CXCL12: variants seen among roughly 807,000 people sequenced by gnomAD.
CXCL12 encodes the protein C-X-C motif chemokine ligand 12.
CXCL12 carries 4 observed loss-of-function variants against 10.7 expected under a neutral mutation model. The observed-to-expected ratio is 0.37, with a 90% confidence interval of 0.18 to 0.86. The LOEUF is 0.86. Ranked by LOEUF, CXCL12 falls within the 40% of genes least tolerant of loss-of-function variation. The pLI, the probability that CXCL12 is intolerant of heterozygous loss-of-function variation, is 0.43. For synonymous variants in CXCL12, 54 were observed against 45.4 expected (o/e 1.19, Z -0.77); for missense variants, 122 against 110.4 (o/e 1.10, Z -0.47).
At chr10:44,380,583 T>C (rs1217865890) in intron 2 of CXCL12, 180 bp downstream of exon 2, 1 of 644,668 alleles carries the variant, frequency 1.6e-6, no homozygotes, top group East Asian at 2.6e-5. Context: ...CTTTTAAAAT[T>C]AATGCCTGGT....
chr10:44,370,434 TAAC>T (rs755035212), exon 4 of CXCL12: 6 of 152,494 alleles, frequency 3.9e-5, no homozygotes, highest in Non-Finnish European at 7.4e-5. Flanking sequence ...GGTTGCAAAA[TAAC>T]AAATTTTCTA....
chr10:44,374,528 C>T (rs868748166), downstream of CXCL12: 9 of 455,944 alleles, frequency 2.0e-5, no homozygotes, highest in Admixed American at 9.4e-5. Flanking sequence ...GCAAGAGGAA[C>T]GTGGGCCAGG....
chr10:44,373,576 C>T (rs1839373265), downstream of CXCL12, among the ~76,000 whole-genome samples: 1 of 152,226 alleles, frequency 6.6e-6, no homozygotes, highest in Non-Finnish European at 1.5e-5. Context: ...AGAGGACAGA[C>T]ACGTGGCAAG....
chr10:44,376,555 G>A (rs1014736645), downstream of CXCL12, among the ~76,000 whole-genome samples: 1 of 152,194 alleles, frequency 6.6e-6, no homozygotes, highest in Admixed American at 6.5e-5. Flanking sequence ...CTTTCTAGAC[G>A]CCTGTGAACA....
chr10:44,375,880 G>A (rs1292896655), downstream of CXCL12: 18 of 1,605,270 alleles, frequency 1.1e-5, no homozygotes, highest in East Asian at 3.8e-4. Context: ...GGAGGATCGA[G>A]CAAATTTACA....
downstream of CXCL12, chr10:44,372,401 A>G (rs1048750392): frequency 3.4e-5 from 6 of 175,836 alleles, no homozygotes; most frequent in Non-Finnish European, 7.3e-5. Context: ...CTGCACTCAA[A>G]GGGCCCAAGG....
chr10:44,384,854 C>T, intron 1 of CXCL12, 91 bp downstream of exon 1: 2 of 1,338,160 alleles, frequency 1.5e-6, no homozygotes, highest in South Asian at 2.7e-5. Context: ...GCGGCGCAAA[C>T]TGCGGGCGCA....
Position 44,377,787 on chromosome 10 carries a change from G to T in CXCL12, c.*846C>A, listed in dbSNP as rs769826912. The stretch of plus-strand genomic sequence containing the variant: ...GGAGAGGGCCAGCTCCATTCTGGAG[G>T]AGGCCAAAGACGGATCTCACAGAGG... On this transcript the variant is annotated 3_prime_UTR_variant, in exon 3 of 3. Coordinates refer to ENST00000343575, the MANE Select transcript of CXCL12 (RefSeq NM_199168.4). 1 of 1,598,266 alleles carries T rather than the reference G, an allele frequency of 6.3e-7. No homozygotes were observed. Among genetic ancestry groups the T allele is most frequent in the African/African-American group, 1.3e-5 (1 of 75,042 alleles).
At position 44,377,351 on chromosome 10, in the gene CXCL12, C is replaced by G. The variant is rs371362518; in HGVS notation, c.*1282G>C. The G allele has an allele frequency of 9.5e-7, 1 of 1,050,642 alleles. No individual in the cohort carries two copies. Among genetic ancestry groups the G allele is most frequent in the South Asian group, 3.1e-5 (1 of 32,646 alleles). The allele number at this position is 1,050,642 out of a possible 1,614,324, so 65.1% of individuals were successfully genotyped here. A position where few individuals can be genotyped will look rare whatever the true frequency, so the allele number is the denominator to read the frequency against. On this transcript the variant is annotated 3_prime_UTR_variant, in exon 3 of 3. Coordinates refer to ENST00000343575, the MANE Select transcript of CXCL12 (RefSeq NM_199168.4). ...CTCCACTTCAAATATATGAATTGTT[C>G]GACTATAAATATATTTTGAAATACA...
At position 44,378,700 on chromosome 10, in the gene CXCL12, CTGT is replaced by C. The variant is rs749854658; in HGVS notation, c.200_202del (p.Asn67del). On this transcript the variant is annotated inframe_deletion, in exon 3 of 3. Transcript: ENST00000343575. ...TAGCTTCGGGTCAATGCACACTTGT[CTGT>C]TGTTGTTCTTCAGCCGGGCTCTGTG... 2.6e-5 allele frequency: 42 copies of C among 1,614,098 alleles called. No homozygotes were observed. The highest frequency in any genetic ancestry group is 4.5e-5 in the East Asian group (2 of 44,898).
chr10:44,373,383 T>TC, downstream of CXCL12: 3 of 1,565,246 alleles, frequency 1.9e-6, no homozygotes, highest in Admixed American at 1.7e-5. Context: ...TAAGGCAGGT[T>TC]CCCCCCACAC....
chr10:44,380,945 G>A, intron 1 of CXCL12, 65 bp from the exon 2 acceptor site: 1 of 1,294,290 alleles, frequency 7.7e-7, no homozygotes, highest in South Asian at 1.2e-5. Context: ...GTGTGTCTGG[G>A]CTGCAGCAGT....
chr10:44,374,177 T>A (rs1144471), downstream of CXCL12: 40,084 of 335,838 alleles, frequency 0.12, 2,601 homozygotes, highest in East Asian at 0.15. Flanking sequence ...AGGAGTGGGA[T>A]AGCAAGCAGT....
At chr10:44,374,679 G>A (rs1014650472), downstream of CXCL12, 8 of 455,964 alleles carry the variant, frequency 1.8e-5, no homozygotes, top group Middle Eastern at 3.2e-4. Context: ...CACGCTCCGG[G>A]ACAGGGTGTG....
Position 44,377,530 on chromosome 10 carries a change from C to A in CXCL12, c.*1103G>T. On this transcript the variant is annotated 3_prime_UTR_variant, in exon 3 of 3. Coordinates refer to ENST00000343575, the MANE Select transcript of CXCL12 (RefSeq NM_199168.4). ...CAACAGTTCTGATTGGAACCTGAAA[C>A]CCTGCTGTGGCTTCAGGAGGGGGTA... 1.4e-6 allele frequency: 2 copies of A among 1,416,618 alleles called. No individual in the cohort carries two copies. Among genetic ancestry groups the A allele is most frequent in the South Asian group, 1.5e-5 (1 of 66,520 alleles). The allele number at this position is 1,416,618 out of a possible 1,614,324, so 87.8% of individuals were successfully genotyped here.
chr10:44,374,959 A>C (rs1451664519), downstream of CXCL12, among the ~76,000 whole-genome samples: 1 of 152,194 alleles, frequency 6.6e-6, no homozygotes, highest in African/African-American at 2.4e-5. Flanking sequence ...TGGGCAGGGA[A>C]GGAGGGTGCA....
chr10:44,374,107 G>A (rs560735414), downstream of CXCL12: 2 of 297,408 alleles, frequency 6.7e-6, no homozygotes, highest in South Asian at 3.2e-5. Flanking sequence ...AAGACAGGAC[G>A]GACCTTGCAT....
chr10:44,378,486 C>T lies in CXCL12; in HGVS notation c.*147G>A, dbSNP rs995981792. On this transcript the variant is annotated 3_prime_UTR_variant, in exon 3 of 3. Coordinates refer to ENST00000343575, the MANE Select transcript of CXCL12 (RefSeq NM_199168.4). ...TCTAAATGCTGGCAAACCTCAGGCC[C>T]GATCCCAGATCAATGTGCCCACCCC... The T allele has an allele frequency of 1.3e-5, 20 of 1,537,316 alleles. 2 individuals are homozygous for T. The South Asian group carries it at 1.6e-4, about 12-fold the overall frequency.
chr10:44,374,992 G>A (rs565937572), downstream of CXCL12, among the ~76,000 whole-genome samples: 4 of 152,278 alleles, frequency 2.6e-5, no homozygotes, highest in Non-Finnish European at 5.9e-5. Flanking sequence ...GAGCTTAAGT[G>A]GTATTTGCTT....
Sources: gnomAD v4.1 joint callset for allele counts (sites outside exome capture counted in the v4.1 genomes callset) on GRCh38, gnomAD v4.1.1 for gene constraint, MANE v1.5 for transcripts, NCBI Gene and HGNC (gene_info 2026-07-23, HGNC 2026-07-21) for gene names.